Variants in EPM2A observed in about 807,000 individuals in gnomAD.
EPM2A encodes EPM2A glucan phosphatase, laforin, also known as laforin.
A neutral mutation model predicts 26.5 loss-of-function variants in EPM2A; 21 were observed. That is an observed-to-expected ratio of 0.79 (90% CI 0.56 to 1.14). The LOEUF is 1.14. Ranked by LOEUF, EPM2A falls within the 50% of genes most tolerant of loss-of-function variation. The probability of loss-of-function intolerance (pLI) is 0.00; values close to 1 mark genes in which losing one functional copy is unlikely to be tolerated. For missense variants in EPM2A, 458 were observed against 440.8 expected (o/e 1.04, Z -0.35); for synonymous variants, 217 against 177.6 (o/e 1.22, Z -1.76).
intron 2 of EPM2A, among the ~76,000 whole-genome samples, chr6:145,532,189 A>G (rs1319593414): frequency 1.3e-5 from 2 of 152,178 alleles, no homozygotes; most frequent in Admixed American, 6.5e-5. Flanking sequence ...ACATCTGTAC[A>G]TGTTAGTCAA....
intron 1 of EPM2A, chr6:145,720,861 A>G (rs1405832053): frequency 1.3e-5 from 2 of 152,220 alleles, no homozygotes; most frequent in African/African-American, 4.8e-5. Context: ...TTAAAAGACA[A>G]TAATTTTATA....
intron 1 of EPM2A, among the ~76,000 whole-genome samples, chr6:145,701,237 A>C (rs573635768): frequency 6.6e-6 from 1 of 152,362 alleles, no homozygotes; most frequent in Admixed American, 6.5e-5. Flanking sequence ...TGCAAGCAAC[A>C]GAAAATCTGG....
chr6:145,634,239 G>A (rs1227569725), intron 3 of EPM2A, among the ~76,000 whole-genome samples: 3 of 152,128 alleles, frequency 2.0e-5, no homozygotes, highest in South Asian at 2.1e-4. Flanking sequence ...CTCCTCTGCC[G>A]ACTGTAGTTA....
chr6:145,434,307 G>C (rs1778961358), intron 4 of EPM2A, among the ~76,000 whole-genome samples: 1 of 149,518 alleles, frequency 6.7e-6, no homozygotes, highest in South Asian at 2.1e-4. Context: ...GTCACTCTGG[G>C]TAGAGTACAC....
At position 145,666,313 on chromosome 6, in the gene EPM2A, A is replaced by G. The variant is rs567029698; in HGVS notation, c.476+19809T>C. On this transcript the variant is annotated intron_variant, in intron 2 of 3. Transcript: ENST00000367519. ...TTAAGCTGATAAGCAACTTCAGCAAAGTCTCAGGATACAAAATCAATGTAC... is the reference window on the plus strand; with the variant it reads ...TTAAGCTGATAAGCAACTTCAGCAAGGTCTCAGGATACAAAATCAATGTAC... Among the ~76,000 whole-genome samples the G allele has an allele frequency of 4.9e-3, 497 of 101,144 alleles. 12 individuals are homozygous for G. The highest frequency in any genetic ancestry group is 0.025 in the African/African-American group (470 of 18,694). The allele number at this position is 101,144 out of a possible 152,430, so 66.4% of individuals were successfully genotyped here.
At chr6:145,620,192 G>A (rs1433616792) in intron 2 of EPM2A, among the ~76,000 whole-genome samples, 1 of 152,206 alleles carries the variant, frequency 6.6e-6, no homozygotes, top group Non-Finnish European at 1.5e-5. Flanking sequence ...GGCGAGGGGA[G>A]TATGGTTTTG....
chr6:145,677,427 G>T (rs2128605642), intron 2 of EPM2A, among the ~76,000 whole-genome samples: 1 of 152,242 alleles, frequency 6.6e-6, no homozygotes, highest in East Asian at 1.9e-4. Flanking sequence ...TGGAAGTTCT[G>T]GCCAGGACAA....
intron 2 of EPM2A, among the ~76,000 whole-genome samples, chr6:145,577,115 G>C (rs996151747): frequency 4.0e-5 from 6 of 151,480 alleles, no homozygotes; most frequent in Non-Finnish European, 8.8e-5. Flanking sequence ...AGCAAGAAAG[G>C]AAGAGAGGAC....
At chr6:145,690,153 G>A (rs185698596) in intron 1 of EPM2A, among the ~76,000 whole-genome samples, 3 of 152,216 alleles carry the variant, frequency 2.0e-5, no homozygotes, top group East Asian at 3.9e-4. Flanking sequence ...TAATAAGGTG[G>A]GACCTCCATT....
chr6:145,625,125 C>T (rs1217010439), downstream of EPM2A, among the ~76,000 whole-genome samples: 2 of 152,128 alleles, frequency 1.3e-5, no homozygotes, highest in East Asian at 1.9e-4. Flanking sequence ...GGTCCTTCAC[C>T]TTTGACTTCC....
intron 4 of EPM2A, among the ~76,000 whole-genome samples, chr6:145,477,497 G>A (rs1280836887): frequency 1.3e-5 from 2 of 151,630 alleles, no homozygotes; most frequent in Non-Finnish European, 3.0e-5. Flanking sequence ...AAAACTACAG[G>A]CCATTATCTC....
intron 4 of EPM2A, among the ~76,000 whole-genome samples, chr6:145,457,189 T>C (rs1779272182): frequency 6.6e-6 from 1 of 151,962 alleles, no homozygotes; most frequent in African/African-American, 2.4e-5. Flanking sequence ...GTCATCAGAG[T>C]TGAAACAAGA....
In EPM2A at chr6:145,651,333, T is replaced by A. The variant is rs538682047; in HGVS notation, c.477-15847A>T. 2.0e-5 allele frequency among the ~76,000 whole-genome samples: 3 copies of A among 152,360 alleles called. No individual in the cohort carries two copies. The South Asian group carries it at 6.2e-4, about 32-fold the overall frequency. On this transcript the variant is annotated intron_variant, in intron 2 of 3. Transcript: ENST00000367519. ...GGTGATTAAGTAGACTACAATATACTTCAAGTGTTCTTTTCCTTTCATTAT... is the reference window on the plus strand; with the variant it reads ...GGTGATTAAGTAGACTACAATATACATCAAGTGTTCTTTTCCTTTCATTAT...
chr6:145,618,109 A>G (rs1477500192), intron 2 of EPM2A, among the ~76,000 whole-genome samples: 1 of 152,204 alleles, frequency 6.6e-6, no homozygotes, highest in Non-Finnish European at 1.5e-5. Flanking sequence ...ATAGTACAGC[A>G]CATTAAGAGG....
intron 2 of EPM2A, among the ~76,000 whole-genome samples, chr6:145,525,387 C>T (rs1192440204): frequency 6.6e-6 from 1 of 152,046 alleles, no homozygotes; most frequent in Admixed American, 6.6e-5. Flanking sequence ...GTGTAGATTG[C>T]TTTGGCAGTA....
chr6:145,705,919 G>A, intron 1 of EPM2A: 1 of 456,876 alleles, frequency 2.2e-6, no homozygotes, highest in South Asian at 1.5e-5. Context: ...GAAAGATGGT[G>A]CTGGGTAACA....
chr6:145,555,511 G>A (rs1780717268), intron 2 of EPM2A, among the ~76,000 whole-genome samples: 1 of 152,064 alleles, frequency 6.6e-6, no homozygotes, highest in South Asian at 2.1e-4. Context: ...TAAGCTACTT[G>A]CAAAGCTATC....
chr6:145,442,797 G>C (rs1779081545), intron 4 of EPM2A, among the ~76,000 whole-genome samples: 1 of 151,934 alleles, frequency 6.6e-6, no homozygotes, highest in South Asian at 2.1e-4. Context: ...GTATCATGCT[G>C]TTTGGGTTAC....
At chr6:145,536,247 T>TTTTTTG (rs145241349) in intron 2 of EPM2A, among the ~76,000 whole-genome samples, 1,080 of 65,514 alleles carry the variant, frequency 0.016, 7 homozygotes, top group African/African-American at 0.019. Flanking sequence ...CCCAGGTTGG[T>TTTTTTG]TTTTTGTTTT....
Sources: gnomAD v4.1 joint callset for allele counts (sites outside exome capture counted in the v4.1 genomes callset) on GRCh38, gnomAD v4.1.1 for gene constraint, MANE v1.5 for transcripts, NCBI Gene and HGNC (gene_info 2026-07-23, HGNC 2026-07-21) for gene names.